NRK: variants seen among roughly 807,000 people sequenced by gnomAD.
The protein encoded by NRK is Nik related kinase, also known as nik-related protein kinase.
NRK carries 67 observed loss-of-function variants against 125.2 expected under a neutral mutation model. That is an observed-to-expected ratio of 0.54 (90% confidence interval 0.44 to 0.66). NRK has a LOEUF of 0.66. Ranked by LOEUF, NRK falls within the 30% of genes least tolerant of loss-of-function variation. The pLI, the probability that NRK is intolerant of heterozygous loss-of-function variation, is 0.00. For synonymous variants in NRK, 458 were observed against 429.0 expected (o/e 1.07, Z -0.84); for missense variants, 1,224 against 1,192.9 (o/e 1.03, Z -0.38).
At position 105,878,091 on chromosome X, in the gene NRK, A is replaced by T. The variant is rs369954966; in HGVS notation, c.124-2108A>T. On this transcript the variant is annotated intron_variant, in intron 2 of 28. Coordinates refer to ENST00000243300, the MANE Select transcript of NRK (RefSeq NM_198465.4). Reference sequence around the variant, plus strand: ...GGAAGCATTGTAACTTTTTAAAGGGATGCATGCAAATCAGTTTCCAACATG... The same window carrying T: ...GGAAGCATTGTAACTTTTTAAAGGGTTGCATGCAAATCAGTTTCCAACATG... 1.3e-4 allele frequency among the ~76,000 whole-genome samples: 15 copies of T among 111,326 alleles called. No individual in the cohort carries two copies. The East Asian group carries it at 2.6e-3, about 19-fold the overall frequency.
At position 105,909,684 on chromosome X, in the gene NRK, A is replaced by G; in HGVS notation, c.2043A>G (p.Ala681=). The G allele has an allele frequency of 8.4e-7, 1 of 1,188,790 alleles. No homozygotes were observed. Among genetic ancestry groups the G allele is most frequent in the Non-Finnish European group, 1.1e-6 (1 of 883,136 alleles). Residue 681 remains alanine, a synonymous_variant, in exon 13 of 29, where the codon GCA becomes GCG. Transcript: ENST00000243300. ...SNRFYSQPEQ[A]REKKSKVSTL... is the part of the protein sequence containing the mutation. ...GGTTTTACTCACAACCAGAACAGGC[A>G]CGGGAGAAAAAATCAAAAGTTTCTA...
intron 3 of NRK, among the ~76,000 whole-genome samples, 173 bp downstream of exon 3, chrX:105,880,428 A>AT (rs1183020338): frequency 9.0e-6 from 1 of 111,210 alleles, no homozygotes; most frequent in African/African-American, 3.3e-5. Context: ...TTAGTGTATT[A>AT]TATCTATTAC....
At chrX:105,935,027 A>G (rs2040642907) in intron 20 of NRK, 143 bp from the exon 21 acceptor site, 2 of 435,604 alleles carry the variant, frequency 4.6e-6, no homozygotes, top group Non-Finnish European at 3.9e-6. Context: ...ACTGTAGCAT[A>G]TAAGGTGTAC....
intron 15 of NRK, among the ~76,000 whole-genome samples, chrX:105,917,368 C>G (rs1434711607): frequency 9.0e-6 from 1 of 110,672 alleles, no homozygotes; most frequent in East Asian, 2.8e-4. Flanking sequence ...ACATATTTTT[C>G]TTATTTTGGA....
At chrX:105,926,709 A>G (rs1268452805) in intron 19 of NRK, among the ~76,000 whole-genome samples, 1 of 110,947 alleles carries the variant, frequency 9.0e-6, no homozygotes, top group Non-Finnish European at 1.9e-5. Flanking sequence ...TCTTTTGCAT[A>G]TGGATATTTA....
intron 2 of NRK, among the ~76,000 whole-genome samples, chrX:105,840,857 A>G (rs766691738): frequency 2.1e-4 from 21 of 98,858 alleles, no homozygotes; most frequent in East Asian, 1.4e-3. Flanking sequence ...GTGTGTGTGT[A>G]TATATATATA....
Position 105,943,963 on chromosome X carries a change from T to C in NRK, c.3981T>C (p.Tyr1327=). 1.7e-6 allele frequency: 2 copies of C among 1,159,252 alleles called. No homozygotes were observed. The highest frequency in any genetic ancestry group is 3.0e-5 in the East Asian group (1 of 33,287). ...TAGTCCAACATGAAGAAACAACATA[T>C]ATTGCAATTGCTTTGAAATCATCAA... ...FSVLQHEETT[Y]IAIALKSSIH... is the part of the protein sequence containing the mutation. Residue 1327 remains tyrosine (Y), a synonymous_variant, in exon 24 of 29, where the codon TAT becomes TAC. Coordinates refer to ENST00000243300, the MANE Select transcript of NRK (RefSeq NM_198465.4).
intron 16 of NRK, among the ~76,000 whole-genome samples, chrX:105,920,085 G>T (rs1193791580): frequency 1.5e-3 from 162 of 105,534 alleles, no homozygotes; most frequent in Non-Finnish European, 2.8e-3. Flanking sequence ...GTGAAAGGAA[G>T]GGATCCAGTT....
rs1257769943 is a variant in NRK, at chrX:105,955,254, G to A, written c.4654-251G>A. 1.2e-4 allele frequency among the ~76,000 whole-genome samples: 13 copies of A among 111,207 alleles called. No homozygotes were observed. The East Asian group carries it at 3.1e-3, about 27-fold the overall frequency. On this transcript the variant is annotated intron_variant, in intron 28 of 28. Transcript: ENST00000243300. Reference sequence around the variant, plus strand: ...ACTTCAGCAAATGAAGGCCACCTACGAAATTACTAATTTTATTTAACCATA... The same window carrying A: ...ACTTCAGCAAATGAAGGCCACCTACAAAATTACTAATTTTATTTAACCATA...
At chrX:105,899,855 C>A (rs931335263) in intron 8 of NRK, among the ~76,000 whole-genome samples, 1 of 110,273 alleles carries the variant, frequency 9.1e-6, no homozygotes, top group Admixed American at 9.7e-5. Context: ...ATAATCCTAG[C>A]TACTCGGGAG....
intron 22 of NRK, among the ~76,000 whole-genome samples, chrX:105,939,646 GAGGCACAT>G (rs1321862866): frequency 9.0e-6 from 1 of 111,409 alleles, no homozygotes; most frequent in Admixed American, 9.6e-5. Context: ...CCCCTTCTGA[GAGGCACAT>G]AGGTAGATAC....
At chrX:105,880,505 A>G (rs1320837355) in intron 3 of NRK, among the ~76,000 whole-genome samples, 2 of 111,169 alleles carry the variant, frequency 1.8e-5, no homozygotes, top group African/African-American at 3.3e-5. Context: ...TTGGTATTCT[A>G]TAACACTGAG....
Position 105,908,253 on chromosome X carries a change from C to A in NRK, c.1035C>A (p.Ile345=). 1 of 1,101,327 alleles carries A rather than the reference C, an allele frequency of 9.1e-7. No homozygotes were observed. The allele number at this position is 1,101,327 out of a possible 1,213,427, so 90.8% of individuals were successfully genotyped here. ...TTGTAAAAAAAGGAATACCTTTGATCTTTGAAAGAGAAGAAGCTATTAAGG... is the reference window on the plus strand; with the variant it reads ...TTGTAAAAAAAGGAATACCTTTGATATTTGAAAGAGAAGAAGCTATTAAGG... ...KKRQKKGIPL[I]FEREEAIKEQ... The change falls in exon 12 of 29, where the codon ATC becomes ATA. Residue 345 remains isoleucine, a synonymous_variant. Transcript: ENST00000243300.
At chrX:105,891,189 A>G (rs2040012706) in intron 5 of NRK, among the ~76,000 whole-genome samples, 1 of 111,601 alleles carries the variant, frequency 9.0e-6, no homozygotes, top group Non-Finnish European at 1.9e-5. Context: ...TCCTTTTCTT[A>G]GTCATTATGC....
intron 9 of NRK, among the ~76,000 whole-genome samples, chrX:105,904,929 T>C (rs2040202148): frequency 1.8e-5 from 2 of 112,080 alleles, no homozygotes; most frequent in South Asian, 7.4e-4. Flanking sequence ...TATAACTAAA[T>C]ACCTGCAATA....
At chrX:105,889,530 C>T (rs1213271947) in intron 5 of NRK, among the ~76,000 whole-genome samples, 1 of 112,227 alleles carries the variant, frequency 8.9e-6, no homozygotes, top group East Asian at 2.8e-4. Context: ...CCCCGCATTT[C>T]CCTTCTACAC....
chrX:105,847,679 T>A (rs2039420025), intron 2 of NRK, among the ~76,000 whole-genome samples: 1 of 112,089 alleles, frequency 8.9e-6, no homozygotes, highest in Non-Finnish European at 1.9e-5. Context: ...AAGGTATCAG[T>A]TTAGGTTCAT....
rs1338743080 is a variant in NRK at position 105,877,625 on chromosome X, A to G, written c.124-2574A>G. Reference sequence around the variant, plus strand: ...TGAAATGCTCTCTTAACAGTAGCACATTTCTATGATCTATTGTCTGTATAT... The same window carrying G: ...TGAAATGCTCTCTTAACAGTAGCACGTTTCTATGATCTATTGTCTGTATAT... On this transcript the variant is annotated intron_variant, in intron 2 of 28. Transcript: ENST00000243300. Among the ~76,000 whole-genome samples the G allele has an allele frequency of 2.7e-5, 3 of 110,762 alleles. No individual in the cohort carries two copies. The East Asian group carries it at 8.5e-4, about 32-fold the overall frequency.
intron 26 of NRK, chrX:105,948,559 A>G (rs2040848693): frequency 9.3e-6 from 4 of 428,950 alleles, no homozygotes; most frequent in Middle Eastern, 4.3e-4. Context: ...TTTTTTCTAA[A>G]CAGATTTTAT....
Sources: allele counts gnomAD v4.1 joint callset (sites outside exome capture counted in the v4.1 genomes callset), GRCh38; gene constraint gnomAD v4.1.1; transcripts MANE v1.5; gene names NCBI Gene and HGNC (gene_info 2026-07-23, HGNC 2026-07-21).